KIF1B: variants seen among roughly 807,000 people sequenced by gnomAD.
KIF1B encodes kinesin-like protein KIF1B.
In KIF1B, 76 loss-of-function variants were observed where a neutral mutation model predicts 241.9. That is an observed-to-expected ratio of 0.31 (90% CI 0.26 to 0.38). KIF1B has a LOEUF of 0.38. Among genes scored for constraint, KIF1B ranks in the 10% least tolerant of loss-of-function variants. The probability of loss-of-function intolerance (pLI) is 1.00; values close to 1 mark genes in which losing one functional copy is unlikely to be tolerated. For synonymous variants in KIF1B, 750 were observed against 796.7 expected (o/e 0.94, Z 0.99); for missense variants, 1,622 against 2,271.4 (o/e 0.71, Z 5.81).
chr1:10,211,916 A>G (rs943535480), intron 1 of KIF1B, among the ~76,000 whole-genome samples: 2 of 152,154 alleles, frequency 1.3e-5, no homozygotes, highest in South Asian at 4.1e-4. Context: ...GCCGTAGAGC[A>G]TTGGATGGAT....
intron 22 of KIF1B, chr1:10,305,205 A>G (rs1210563738): frequency 5.7e-6 from 6 of 1,045,786 alleles, no homozygotes; most frequent in Middle Eastern, 4.4e-4. Context: ...GTCTTCAAAC[A>G]TATCTTGCAA....
chr1:10,326,129 C>A lies in KIF1B; in HGVS notation c.2694C>A (p.Gly898=). The A allele has an allele frequency of 6.2e-7, 1 of 1,614,138 alleles. No homozygotes were observed. Among genetic ancestry groups the A allele is most frequent in the Non-Finnish European group, 8.5e-7 (1 of 1,180,032 alleles). ...KLVGSSPIFH[G]CVNERLADRT... is the part of the protein sequence containing the mutation. ...TGTCTAGCTCCCCCATTTTCCACGGCTGTGTGAACGAGCGCCTTGCCGACC... is the reference window on the plus strand; with the variant it reads ...TGTCTAGCTCCCCCATTTTCCACGGATGTGTGAACGAGCGCCTTGCCGACC... Residue 898 remains glycine (G), a synonymous_variant, in exon 27 of 49, where the codon GGC becomes GGA. Transcript: ENST00000676179. The surrounding 1 kb of genome is among the most constrained non-coding windows in gnomAD (Gnocchi z 5.2).
At chr1:10,222,350 G>T (rs1054742152) in intron 1 of KIF1B, among the ~76,000 whole-genome samples, 1 of 152,148 alleles carries the variant, frequency 6.6e-6, no homozygotes, top group Admixed American at 6.6e-5. Context: ...TTAGAGTTGG[G>T]CAAGGAAAGC....
intron 1 of KIF1B, among the ~76,000 whole-genome samples, chr1:10,213,183 T>C (rs1320871520): frequency 6.6e-6 from 1 of 152,094 alleles, no homozygotes; most frequent in Non-Finnish European, 1.5e-5. Context: ...TATAAAGATC[T>C]GAATATTTTT....
At chr1:10,320,254 C>A in intron 23 of KIF1B, 118 bp downstream of exon 23, 1 of 686,168 alleles carries the variant, frequency 1.5e-6, no homozygotes, top group Non-Finnish European at 2.6e-6. Context: ...CATTTATTGA[C>A]ATTTTACTGA....
At chr1:10,318,131 C>T (rs1651376234) in intron 22 of KIF1B, among the ~76,000 whole-genome samples, 1 of 150,882 alleles carries the variant, frequency 6.6e-6, no homozygotes, top group African/African-American at 2.5e-5. Flanking sequence ...GTTTAGATAT[C>T]TAGTAAAGCT....
intron 22 of KIF1B, among the ~76,000 whole-genome samples, chr1:10,310,863 G>A (rs1651035811): frequency 6.6e-6 from 1 of 151,560 alleles, no homozygotes; most frequent in African/African-American, 2.4e-5. Flanking sequence ...GTGCCTTTGG[G>A]AATGAAAAGT....
At chr1:10,260,235 G>A (rs542833066) in intron 4 of KIF1B, among the ~76,000 whole-genome samples, 1 of 152,150 alleles carries the variant, frequency 6.6e-6, no homozygotes, top group Admixed American at 6.5e-5. Context: ...AGGATGGTAA[G>A]TATTTGTATA....
At chr1:10,324,353 C>T (rs951654879) in intron 25 of KIF1B, among the ~76,000 whole-genome samples, 2 of 152,138 alleles carry the variant, frequency 1.3e-5, no homozygotes, top group African/African-American at 4.8e-5. Flanking sequence ...AGATTTGGAA[C>T]TTATTTATTT....
intron 1 of KIF1B, among the ~76,000 whole-genome samples, chr1:10,218,451 C>T (rs566616984): frequency 1.7e-4 from 26 of 151,452 alleles, no homozygotes; most frequent in Non-Finnish European, 2.8e-4. Flanking sequence ...GACAGAGTCT[C>T]GCTCTGTCAT....
At chr1:10,231,252 A>T (rs1461285309) in intron 1 of KIF1B, among the ~76,000 whole-genome samples, 1 of 152,032 alleles carries the variant, frequency 6.6e-6, no homozygotes, top group Non-Finnish European at 1.5e-5. Context: ...GTTAAAGGAA[A>T]TCACTGTATA....
intron 40 of KIF1B, 90 bp downstream of exon 40, chr1:10,361,915 G>A (rs1233480521): frequency 2.7e-6 from 4 of 1,482,882 alleles, no homozygotes; most frequent in East Asian, 2.3e-5. Context: ...ACTGTCTCAC[G>A]GTTAGTTTAC....
Position 10,337,669 on chromosome 1 carries a change from C to CT in KIF1B, c.3422+139dup, listed in dbSNP as rs1652231356. On this transcript the variant is annotated intron_variant, in intron 31 of 48. Transcript: ENST00000676179. The surrounding 1 kb of genome is among the most constrained non-coding windows in gnomAD (Gnocchi z 4.0). ...ACTGATCAGTCTCTGAAGGAAAATA[C>CT]TTTCATCACTCCTATGGGAGTGAGA... is the stretch of plus-strand genomic sequence containing the variant. 2.0e-6 allele frequency: 2 copies of CT among 991,166 alleles called. No individual in the cohort carries two copies. Among genetic ancestry groups the CT allele is most frequent in the East Asian group, 2.4e-5 (1 of 41,420 alleles). 61.4% of individuals were successfully genotyped at this position (991,166 alleles called of 1,614,324 possible).
chr1:10,373,585 G>A (rs1389143970), intron 45 of KIF1B, among the ~76,000 whole-genome samples: 3 of 151,962 alleles, frequency 2.0e-5, no homozygotes, highest in African/African-American at 7.2e-5. Context: ...AAGTTAAAAT[G>A]GGCTTTTTAG....
At chr1:10,353,824 A>C (rs188577166) in intron 38 of KIF1B, among the ~76,000 whole-genome samples, 52 of 152,300 alleles carry the variant, frequency 3.4e-4, no homozygotes, top group Non-Finnish European at 5.6e-4. Context: ...GGGGAGTGGC[A>C]GAAATAAAGA....
intron 1 of KIF1B, among the ~76,000 whole-genome samples, chr1:10,213,458 GTCTT>G (rs1290604193): frequency 2.0e-5 from 3 of 152,122 alleles, no homozygotes; most frequent in Non-Finnish European, 2.9e-5. Flanking sequence ...TGCCAACGGA[GTCTT>G]TCTTAAGGCC....
chr1:10,217,551 A>T (rs1239510215), intron 1 of KIF1B, among the ~76,000 whole-genome samples: 1 of 152,050 alleles, frequency 6.6e-6, no homozygotes, highest in Non-Finnish European at 1.5e-5. Context: ...TTCTGGCCTC[A>T]GGTGATCCAC....
intron 1 of KIF1B, among the ~76,000 whole-genome samples, chr1:10,214,952 C>G (rs961521887): frequency 4.0e-5 from 6 of 151,492 alleles, no homozygotes; most frequent in Non-Finnish European, 5.9e-5. Context: ...AATTTAGTAT[C>G]CTGATATGGT....
Position 10,271,594 on chromosome 1 carries a change from AAATAAATGGCCTGATC to A in KIF1B, c.798+27_798+42del. 6.3e-7 allele frequency: 1 copy of A among 1,578,108 alleles called. No individual in the cohort carries two copies. The highest frequency in any genetic ancestry group is 8.7e-7 in the Non-Finnish European group (1 of 1,147,196). On this transcript the variant is annotated intron_variant, in intron 8 of 48. Coordinates refer to ENST00000676179, the MANE Select transcript of KIF1B (RefSeq NM_001365951.3). ...CTCGATTAAAGGTATTTATTTTAGC[AAATAAATGGCCTGATC>A]AATAAATGGCCACTACCTGTTTTTG...
Sources: gnomAD v4.1 joint callset for allele counts (sites outside exome capture counted in the v4.1 genomes callset) on GRCh38, gnomAD v4.1.1 for gene constraint, Gnocchi (gnomAD v3.1) non-coding constraint, MANE v1.5 for transcripts, NCBI Gene and HGNC (gene_info 2026-07-23, HGNC 2026-07-21) for gene names.